NCEH1: variants seen among roughly 807,000 people sequenced by gnomAD.
NCEH1 encodes the protein neutral cholesterol ester hydrolase 1.
In NCEH1, 9 loss-of-function variants were observed where a neutral mutation model predicts 25.4. The observed-to-expected ratio is 0.35, with a 90% CI of 0.21 to 0.62. The LOEUF (loss-of-function observed/expected upper bound fraction) is 0.62, where lower values mean the gene tolerates loss of function less well. Among genes scored for constraint, NCEH1 ranks in the 20% least tolerant of loss-of-function variants. The pLI is 0.72. For missense variants in NCEH1, 412 were observed against 501.1 expected, an observed-to-expected ratio of 0.82 and a Z score of 1.70; for synonymous variants, 200 against 199.8, an observed-to-expected ratio of 1.00 and a Z score of -0.01.
At chr3:172,682,151 C>T (rs1463654344) in intron 1 of NCEH1, among the ~76,000 whole-genome samples, 1 of 152,252 alleles carries the variant, frequency 6.6e-6, no homozygotes, top group South Asian at 2.1e-4. Flanking sequence ...CTGTTAATGA[C>T]CTCAGGAAAA....
intron 1 of NCEH1, among the ~76,000 whole-genome samples, chr3:172,679,957 A>G (rs484753): frequency 0.22 from 34,137 of 152,004 alleles, 4,571 homozygotes; most frequent in East Asian, 0.6. Context: ...GGGTTTTAAG[A>G]ACGAATTCTT....
chr3:172,710,773 C>G, intron 1 of NCEH1, 74 bp downstream of exon 1: 1 of 1,543,048 alleles, frequency 6.5e-7, no homozygotes, highest in Non-Finnish European at 8.8e-7. Flanking sequence ...TGGAACCCGG[C>G]GGAGGAATTT....
chr3:172,645,843 T>G, intron 2 of NCEH1, 151 bp from the exon 3 acceptor site: 1 of 488,384 alleles, frequency 2.0e-6, no homozygotes, highest in South Asian at 4.7e-5. Context: ...TAGAGTTACA[T>G]GTACACATGA....
chr3:172,671,869 T>C (rs185243644), intron 1 of NCEH1, among the ~76,000 whole-genome samples: 1 of 152,320 alleles, frequency 6.6e-6, no homozygotes, highest in East Asian at 1.9e-4. Context: ...GCTGGAAAAC[T>C]CTTATAACCT....
intron 1 of NCEH1, among the ~76,000 whole-genome samples, chr3:172,704,556 G>A (rs1178677076): frequency 6.6e-6 from 1 of 152,150 alleles, no homozygotes; most frequent in Non-Finnish European, 1.5e-5. Flanking sequence ...ACACATTTCT[G>A]TTTTGCCAGA....
intron 3 of NCEH1, among the ~76,000 whole-genome samples, chr3:172,639,709 A>C (rs234006): frequency 0.84 from 128,109 of 152,134 alleles, 54,101 homozygotes; most frequent in Admixed American, 0.91. Context: ...CTCTGCAATG[A>C]CAAGTGGATT....
chr3:172,700,894 A>G (rs909980560), intron 1 of NCEH1, among the ~76,000 whole-genome samples: 3 of 152,220 alleles, frequency 2.0e-5, no homozygotes, highest in African/African-American at 7.2e-5. Context: ...AGGTGATATT[A>G]GTAAAAACCT....
chr3:172,705,972 T>G (rs897321287), intron 1 of NCEH1, among the ~76,000 whole-genome samples: 1 of 132,482 alleles, frequency 7.5e-6, no homozygotes, highest in Non-Finnish European at 1.5e-5. Flanking sequence ...CACTCCAGCC[T>G]GGGTGACACA....
At chr3:172,696,845 T>G (rs1250903082) in intron 1 of NCEH1, among the ~76,000 whole-genome samples, 1 of 152,212 alleles carries the variant, frequency 6.6e-6, no homozygotes, top group Non-Finnish European at 1.5e-5. Flanking sequence ...CTCAAAGGTT[T>G]TACAGTTAAA....
In NCEH1 at chr3:172,645,586, T is replaced by A. The variant is rs536742002; in HGVS notation, c.437+37A>T. 4 of 1,344,536 alleles carry A rather than the reference T, an allele frequency of 3.0e-6. No homozygotes were observed. In the Admixed American group the frequency reaches 7.7e-5, roughly 26 times the overall value. 83.3% of individuals were successfully genotyped at this position (1,344,536 alleles called of 1,614,324 possible). A position where few individuals can be genotyped will look rare whatever the true frequency, so the allele number is the denominator to read the frequency against. On this transcript the variant is annotated intron_variant, in intron 3 of 4. Transcript: ENST00000475381. ...CAGACTGTTATCTAGAATTCCTTTA[T>A]AAGAAAAATTTTCTATGACTAGCAT...
chr3:172,688,405 C>G (rs1348575749), intron 1 of NCEH1, among the ~76,000 whole-genome samples: 1 of 149,774 alleles, frequency 6.7e-6, no homozygotes, highest in Non-Finnish European at 1.5e-5. Context: ...TGGATCTTCT[C>G]AAGCTGACGC....
intron 2 of NCEH1, among the ~76,000 whole-genome samples, chr3:172,647,086 G>A (rs1307743729): frequency 6.6e-6 from 1 of 151,854 alleles, no homozygotes; most frequent in African/African-American, 2.4e-5. Context: ...ACTAGAAAAA[G>A]TCAAACCTTT....
intron 1 of NCEH1, among the ~76,000 whole-genome samples, chr3:172,654,330 G>A (rs1263117678): frequency 3.3e-5 from 5 of 152,162 alleles, no homozygotes; most frequent in Non-Finnish European, 7.3e-5. Flanking sequence ...AAAGATTGTT[G>A]TGAAGACTGA....
chr3:172,668,348 A>ATTTTTTTT lies in NCEH1; in HGVS notation c.139-20242_139-20235dup, dbSNP rs1200625132. ...TCAGGAAACAAATGGAAAAGGAAGC[A>ATTTTTTTT]TTTTTTTTTTTTTTTTTTTTTTTTT... On this transcript the variant is annotated intron_variant, in intron 1 of 4. Transcript: ENST00000475381. 1.4e-3 allele frequency among the ~76,000 whole-genome samples: 108 copies of ATTTTTTTT among 78,976 alleles called. 13 individuals are homozygous for ATTTTTTTT. The highest frequency in any genetic ancestry group is 4.8e-3 in the African/African-American group (93 of 19,378). The allele number at this position is 78,976 out of a possible 152,430, so 51.8% of individuals were successfully genotyped here. A position where few individuals can be genotyped will look rare whatever the true frequency, so the allele number is the denominator to read the frequency against.
intron 1 of NCEH1, among the ~76,000 whole-genome samples, chr3:172,686,780 C>T (rs1407606009): frequency 3.3e-5 from 5 of 152,212 alleles, no homozygotes; most frequent in Admixed American, 6.5e-5. Context: ...CTCCTAACTT[C>T]ATAACCAGCT....
At chr3:172,686,421 A>G (rs776756197) in intron 1 of NCEH1, among the ~76,000 whole-genome samples, 10 of 152,252 alleles carry the variant, frequency 6.6e-5, no homozygotes, top group Non-Finnish European at 1.3e-4. Flanking sequence ...CACACAGTGT[A>G]AAAGATGTCC....
At chr3:172,647,413 C>A (rs1456594941) in intron 2 of NCEH1, among the ~76,000 whole-genome samples, 1 of 152,144 alleles carries the variant, frequency 6.6e-6, no homozygotes. Context: ...CTTTCATAAG[C>A]AGATAAAATG....
Position 172,700,335 on chromosome 3 carries a change from A to C in NCEH1, c.138+10512T>G, listed in dbSNP as rs571865254. ...TTTCTATGACACAAAAAATAAGAAG[A>C]AGCACTGATATAGATTAATTGTGGG... On this transcript the variant is annotated intron_variant, in intron 1 of 4. Coordinates refer to ENST00000475381, the MANE Select transcript of NCEH1 (RefSeq NM_020792.6). 6.4e-4 allele frequency among the ~76,000 whole-genome samples: 98 copies of C among 152,304 alleles called. 1 individual carries two copies. The highest frequency in any genetic ancestry group is 6.8e-3 in the Middle Eastern group (2 of 294).
At chr3:172,666,686 A>G (rs9825463) in intron 1 of NCEH1, among the ~76,000 whole-genome samples, 16,204 of 152,154 alleles carry the variant, frequency 0.11, 2,891 homozygotes, top group African/African-American at 0.37. Flanking sequence ...CGGAGCGGTG[A>G]GTATGGAGCA....
Sources: allele counts gnomAD v4.1 joint callset (sites outside exome capture counted in the v4.1 genomes callset), GRCh38; gene constraint gnomAD v4.1.1; transcripts MANE v1.5; gene names NCBI Gene and HGNC (gene_info 2026-07-23, HGNC 2026-07-21).